POP1: variants seen among roughly 807,000 people sequenced by gnomAD.
The protein encoded by POP1 is POP1 ribonuclease P/MRP subunit.
Under a neutral mutation model 102.2 loss-of-function variants are expected in POP1, and 75 were observed. The observed-to-expected ratio is 0.73, with a 90% confidence interval of 0.61 to 0.89. The LOEUF (loss-of-function observed/expected upper bound fraction) is 0.89, where lower values mean the gene tolerates loss of function less well. POP1 is among the 40% of genes least tolerant of loss of function. The pLI, the probability that POP1 is intolerant of heterozygous loss-of-function variation, is 0.00. For missense variants in POP1, 1,116 were observed against 1,267.4 expected, an observed-to-expected ratio of 0.88 and a Z score of 1.81; for synonymous variants, 436 against 464.1, an observed-to-expected ratio of 0.94 and a Z score of 0.78.
At chr8:98,153,524 G>A (rs1376099438) in intron 14 of POP1, among the ~76,000 whole-genome samples, 1 of 123,446 alleles carries the variant, frequency 8.1e-6, no homozygotes, top group East Asian at 2.4e-4. Flanking sequence ...TTTACAAACA[G>A]TTCTGACTCT....
chr8:98,140,229 G>A (rs759784089), intron 10 of POP1, 40 bp downstream of exon 10: 46 of 1,564,820 alleles, frequency 2.9e-5, no homozygotes, highest in Non-Finnish European at 4.0e-5. Context: ...GGGAGGGAAG[G>A]GGGCCAAAAG....
chr8:98,148,855 C>A lies in POP1; in HGVS notation c.1751C>A (p.Ser584Ter). The change falls in exon 13 of 16, where the codon TCA becomes TAA. Residue 584 changes from serine (S) to a stop codon, truncating the protein, a stop_gained. Transcript: ENST00000401707. LOFTEE classifies it high-confidence loss of function. ...AGGAGTGAATTGCTGGTGCCTGGGT[C>A]ACAGCTTATTTTAGGTCCCCATGAA... ...RMRSELLVPG[S>*]QLILGPHESK... 1 of 1,613,772 alleles carries A rather than the reference C, an allele frequency of 6.2e-7. No individual in the cohort carries two copies. Among genetic ancestry groups the A allele is most frequent in the South Asian group, 1.1e-5 (1 of 90,956 alleles).
chr8:98,134,619 G>T lies in POP1; in HGVS notation c.971G>T (p.Ser324Ile), dbSNP rs1586236015. 1 of 1,614,102 alleles carries T rather than the reference G, an allele frequency of 6.2e-7. No individual in the cohort carries two copies. The highest frequency in any genetic ancestry group is 1.1e-5 in the South Asian group (1 of 91,084). Residue 324 changes from serine (S) to isoleucine (I), a missense_variant, in exon 7 of 16, where the codon AGC becomes ATC. Ser to Ile is a moderately radical substitution (Grantham distance 142). Coordinates refer to ENST00000401707, the MANE Select transcript of POP1 (RefSeq NM_001145860.2). ...AGGACCCCGGGTGACCCTTCTGAGA[G>T]CAGGCAGCTGTGGATCTGGCTGCAT... ...SQRTPGDPSESRQLWIWLHPT... is the reference protein window; with the variant it reads ...SQRTPGDPSEIRQLWIWLHPT...
chr8:98,130,077 CAAA>C lies in POP1; in HGVS notation c.588_590del (p.Lys198del). 6.2e-7 allele frequency: 1 copy of C among 1,614,110 alleles called. No homozygotes were observed. Among genetic ancestry groups the C allele is most frequent in the Admixed American group, 1.7e-5 (1 of 60,006 alleles). On this transcript the variant is annotated inframe_deletion, in exon 5 of 16. Transcript: ENST00000401707. ...CCGGACGCTAGAATTTAACCGTAGACAAAAGAAGAACATTTGGTTAGAAACTCA... is the reference window on the plus strand; with the variant it reads ...CCGGACGCTAGAATTTAACCGTAGACAGAAGAACATTTGGTTAGAAACTCA...
At chr8:98,137,578 G>T (rs902428686) in intron 9 of POP1, among the ~76,000 whole-genome samples, 1 of 152,100 alleles carries the variant, frequency 6.6e-6, no homozygotes, top group Admixed American at 6.5e-5. Flanking sequence ...ATGAGTCACC[G>T]CACCTGGCTG....
intron 15 of POP1, 81 bp downstream of exon 15, chr8:98,156,493 TG>T: frequency 3.2e-6 from 5 of 1,548,862 alleles, no homozygotes; most frequent in Non-Finnish European, 4.4e-6. Flanking sequence ...GCGTTATCAC[TG>T]TTTGTTTATG....
rs1157036165 is a variant in POP1, at chr8:98,136,583, C to T, written c.1113C>T (p.Ser371=). The change falls in exon 8 of 16, where the codon AGC becomes AGT. Residue 371 remains serine (S), a synonymous_variant. Coordinates refer to ENST00000401707, the MANE Select transcript of POP1 (RefSeq NM_001145860.2). ...TTCCAACACCATCCCAAGAAAAAAG[C>T]CAAACTGAATTGCCTGACGAGAAAA... is the stretch of plus-strand genomic sequence containing the variant. ...DPLPTPSQEK[S]QTELPDEKIG... is the part of the protein sequence containing the mutation. 6.2e-7 allele frequency: 1 copy of T among 1,613,944 alleles called. No individual in the cohort carries two copies.
At chr8:98,145,252 G>A (rs1003382882) in intron 11 of POP1, among the ~76,000 whole-genome samples, 1 of 151,996 alleles carries the variant, frequency 6.6e-6, no homozygotes, top group South Asian at 2.1e-4. Context: ...TTCTAACTTC[G>A]TTCTGCCCTA....
chr8:98,152,567 C>T (rs186115183), intron 14 of POP1, among the ~76,000 whole-genome samples: 1 of 152,274 alleles, frequency 6.6e-6, no homozygotes, highest in Admixed American at 6.5e-5. Flanking sequence ...ATTTGAATTT[C>T]ATATAATTTT....
intron 11 of POP1, among the ~76,000 whole-genome samples, chr8:98,141,961 A>C (rs1816716556): frequency 6.6e-6 from 1 of 152,136 alleles, no homozygotes; most frequent in East Asian, 1.9e-4. Context: ...TGGATGAGAG[A>C]GGAGTTTGAA....
In POP1 at chr8:98,158,317, G is replaced by A; in HGVS notation, c.*46G>A. On this transcript the variant is annotated 3_prime_UTR_variant, in exon 16 of 16. Coordinates refer to ENST00000401707, the MANE Select transcript of POP1 (RefSeq NM_001145860.2). ...AGGGCATAGATAATACGTTATTATT[G>A]TCTGCCAAGTTCTACATGTGGAGAA... 1.3e-6 allele frequency: 2 copies of A among 1,586,372 alleles called. No homozygotes were observed. The highest frequency in any genetic ancestry group is 8.6e-7 in the Non-Finnish European group (1 of 1,168,482).
At position 98,127,621 on chromosome 8, in the gene POP1, C is replaced by T. The variant is rs181732679; in HGVS notation, c.169C>T (p.Arg57Trp). Residue 57 changes from arginine to tryptophan, a missense_variant, in exon 3 of 16, where the codon CGG becomes TGG. Coordinates refer to ENST00000401707, the MANE Select transcript of POP1 (RefSeq NM_001145860.2). ...GCCTCATCCTGGAACTTCACGACAG[C>T]GGCAAACCAGAGTCAACCCCCATTC... is the stretch of plus-strand genomic sequence containing the variant. The part of the protein sequence containing the change: ...QEPHPGTSRQ[R>W]QTRVNPHSLP... 25 of 1,614,072 alleles carry T rather than the reference C, an allele frequency of 1.5e-5. No homozygotes were observed. Among genetic ancestry groups the T allele is most frequent in the African/African-American group, 8.0e-5 (6 of 75,004 alleles).
At chr8:98,123,732 A>G (rs1816107445) in intron 2 of POP1, among the ~76,000 whole-genome samples, 1 of 151,494 alleles carries the variant, frequency 6.6e-6, no homozygotes, top group Admixed American at 6.6e-5. Flanking sequence ...AGCTGAGATC[A>G]TGACACTGCA....
chr8:98,156,729 G>A (rs752925157), intron 15 of POP1, among the ~76,000 whole-genome samples: 2 of 151,988 alleles, frequency 1.3e-5, no homozygotes, highest in Non-Finnish European at 2.9e-5. Flanking sequence ...TACCAAATTA[G>A]ATTTCTTCTA....
At chr8:98,117,425 G>A in intron 1 of POP1, 35 bp downstream of exon 1, 12 of 332,258 alleles carry the variant, frequency 3.6e-5, no homozygotes, top group South Asian at 3.4e-4. Flanking sequence ...TCCAGGATGC[G>A]AGTGTCGGGG....
chr8:98,150,739 T>C (rs1018727261), intron 14 of POP1, 100 bp downstream of exon 14: 7 of 1,173,510 alleles, frequency 6.0e-6, no homozygotes, highest in Non-Finnish European at 7.4e-6. Flanking sequence ...GGTAATTTCA[T>C]AGACTTTTCA....
At chr8:98,152,291 TTACA>T (rs1260141989) in intron 14 of POP1, among the ~76,000 whole-genome samples, 2 of 152,246 alleles carry the variant, frequency 1.3e-5, no homozygotes, top group Non-Finnish European at 2.9e-5. Context: ...AAGAATGGTA[TTACA>T]TACATTATTT....
chr8:98,158,411 G>A lies in POP1; in HGVS notation c.*140G>A. ...AGAATAAAAAATTATGTATTATGCA[G>A]ATGATGAAATGTTTACATCATTCCA... On this transcript the variant is annotated 3_prime_UTR_variant, in exon 16 of 16. Coordinates refer to ENST00000401707, the MANE Select transcript of POP1 (RefSeq NM_001145860.2). 3 of 895,424 alleles carry A rather than the reference G, an allele frequency of 3.4e-6. No individual in the cohort carries two copies. The highest frequency in any genetic ancestry group is 5.3e-6 in the Non-Finnish European group (3 of 564,888). The allele number at this position is 895,424 out of a possible 1,614,324, so 55.5% of individuals were successfully genotyped here.
intron 10 of POP1, 33 bp from the exon 11 acceptor site, chr8:98,140,736 C>T (rs535084492): frequency 6.2e-7 from 1 of 1,608,894 alleles, no homozygotes; most frequent in Non-Finnish European, 8.5e-7. Context: ...TTATGAATGA[C>T]TTTCTGTAAA....
Sources: allele counts gnomAD v4.1 joint callset (sites outside exome capture counted in the v4.1 genomes callset), GRCh38; gene constraint gnomAD v4.1.1; transcripts MANE v1.5; gene names NCBI Gene and HGNC (gene_info 2026-07-23, HGNC 2026-07-21).